The following GOLM1 variants were observed in gnomAD, a reference collection of about 807,000 sequenced individuals.
GOLM1 encodes the protein epididymis luminal protein 46.
GOLM1 carries 31 observed loss-of-function variants against 50.5 expected under a neutral mutation model. That is an observed-to-expected ratio of 0.61 (90% CI 0.46 to 0.83). GOLM1 has a LOEUF of 0.83. Among genes scored for constraint, GOLM1 ranks in the 40% least tolerant of loss-of-function variants. The pLI, the probability that GOLM1 is intolerant of heterozygous loss-of-function variation, is 0.00. For synonymous variants in GOLM1, 178 were observed against 192.8 expected, an observed-to-expected ratio of 0.92 and a Z score of 0.64; for missense variants, 491 against 501.3, an observed-to-expected ratio of 0.98 and a Z score of 0.20.
chr9:86,097,869 T>C (rs1166171298), intron 1 of GOLM1, among the ~76,000 whole-genome samples: 3 of 152,288 alleles, frequency 2.0e-5, no homozygotes, highest in East Asian at 3.9e-4. Context: ...CTGTTGTTTC[T>C]GCCCAGCCCT....
At chr9:86,066,278 G>A in intron 3 of GOLM1, among the ~76,000 whole-genome samples, 1 of 152,136 alleles carries the variant, frequency 6.6e-6, no homozygotes, top group East Asian at 1.9e-4. Context: ...ACACCTCAGA[G>A]CCTCCTCGTA....
intron 1 of GOLM1, among the ~76,000 whole-genome samples, chr9:86,090,701 G>A (rs187802015): frequency 6.9e-6 from 1 of 145,324 alleles, no homozygotes; most frequent in East Asian, 2.2e-4. Flanking sequence ...CAATGAGTTA[G>A]ACCACTTGGC....
chr9:86,059,758 G>A (rs932733010), intron 3 of GOLM1, among the ~76,000 whole-genome samples: 2 of 152,014 alleles, frequency 1.3e-5, no homozygotes, highest in Non-Finnish European at 2.9e-5. Context: ...AGCTGGGCAT[G>A]GTGGCACCTG....
chr9:86,058,434 C>CGCG (rs1229460314), intron 3 of GOLM1, among the ~76,000 whole-genome samples: 1 of 152,038 alleles, frequency 6.6e-6, no homozygotes, highest in Non-Finnish European at 1.5e-5. Context: ...AGGTGCCAGG[C>CGCG]GCGGTGGCTC....
At chr9:86,054,515 C>T (rs372513311) in intron 3 of GOLM1, among the ~76,000 whole-genome samples, 58 of 152,246 alleles carry the variant, frequency 3.8e-4, no homozygotes, top group East Asian at 1.4e-3. Flanking sequence ...TGAGCCACTG[C>T]GCCCGGCCTC....
intron 5 of GOLM1, among the ~76,000 whole-genome samples, chr9:86,042,239 TAA>T (rs1315108138): frequency 6.6e-6 from 1 of 152,206 alleles, no homozygotes; most frequent in Non-Finnish European, 1.5e-5. Context: ...ATGAAGTAAT[TAA>T]GAGAATTACC....
At chr9:86,054,373 T>A (rs547650200) in intron 3 of GOLM1, among the ~76,000 whole-genome samples, 4 of 151,900 alleles carry the variant, frequency 2.6e-5, no homozygotes, top group Admixed American at 6.6e-5. Flanking sequence ...GTTCAAGCAG[T>A]TCTCCTGCCT....
chr9:86,060,140 A>T (rs1280004155), intron 3 of GOLM1, among the ~76,000 whole-genome samples: 1 of 152,090 alleles, frequency 6.6e-6, no homozygotes, highest in African/African-American at 2.4e-5. Context: ...ATTATTGAGA[A>T]ATTTGGCATT....
At chr9:86,081,114 CT>C (rs983286874) in intron 1 of GOLM1, among the ~76,000 whole-genome samples, 2 of 151,842 alleles carry the variant, frequency 1.3e-5, no homozygotes, top group Admixed American at 1.3e-4. Flanking sequence ...CCTCAAATTC[CT>C]GACCTCAAGT....
At chr9:86,093,697 A>G (rs1467548230) in intron 1 of GOLM1, among the ~76,000 whole-genome samples, 3 of 152,230 alleles carry the variant, frequency 2.0e-5, no homozygotes, top group Non-Finnish European at 2.9e-5. Context: ...AATGTTTGTA[A>G]TTTAACAAAG....
At chr9:86,077,765 TG>T in intron 2 of GOLM1, 174 bp from the exon 3 acceptor site, 1 of 569,164 alleles carries the variant, frequency 1.8e-6, no homozygotes, top group South Asian at 2.4e-5. Context: ...CGGTTTCTTC[TG>T]GAAAAAATGG....
At chr9:86,039,307 T>C (rs1052538428) in intron 6 of GOLM1, among the ~76,000 whole-genome samples, 2 of 151,786 alleles carry the variant, frequency 1.3e-5, no homozygotes, top group Non-Finnish European at 2.9e-5. Context: ...GTATCAAGAG[T>C]TGGCAAGGAT....
rs375193474 is a variant in GOLM1, at chr9:86,035,671, TAAAAAA to T, written c.758-52_758-47del. 4.6e-4 allele frequency: 399 copies of T among 872,944 alleles called. No individual in the cohort carries two copies. In the African/African-American group the frequency reaches 6.6e-3, roughly 14 times the overall value. The allele number at this position is 872,944 out of a possible 1,614,324, so 54.1% of individuals were successfully genotyped here. ...GCTGTGACCTTGCCAGCATTTGATT[TAAAAAA>T]AAAAAAAAAAAAAAAAGCAAAACCT... is the stretch of plus-strand genomic sequence containing the variant. On this transcript the variant is annotated intron_variant, in intron 7 of 9. Transcript: ENST00000388712.
intron 6 of GOLM1, among the ~76,000 whole-genome samples, chr9:86,039,421 C>T (rs1018059447): frequency 2.0e-5 from 3 of 152,188 alleles, no homozygotes; most frequent in Admixed American, 6.5e-5. Flanking sequence ...TATAGATTAC[C>T]ATATAACCCA....
chr9:86,035,673 A>T (rs1409002204), intron 7 of GOLM1, 48 bp from the exon 8 acceptor site: 94 of 364,148 alleles, frequency 2.6e-4, no homozygotes, highest in South Asian at 7.8e-4. Flanking sequence ...ATTTGATTTA[A>T]AAAAAAAAAA....
chr9:86,091,311 T>C (rs1835177790), intron 1 of GOLM1, among the ~76,000 whole-genome samples: 1 of 152,226 alleles, frequency 6.6e-6, no homozygotes, highest in Admixed American at 6.5e-5. Flanking sequence ...ATTCTAAGTT[T>C]ATAAACAACT....
rs34420567 is a variant in GOLM1, at chr9:86,093,375, C to CAAAAA, written c.-22+6031_-22+6035dup. 1.6e-4 allele frequency among the ~76,000 whole-genome samples: 18 copies of CAAAAA among 109,310 alleles called. No individual in the cohort carries two copies. In the Admixed American group the frequency reaches 1.7e-3, roughly 10 times the overall value. 71.7% of individuals were successfully genotyped at this position (109,310 alleles called of 152,430 possible). ...TGAGTGACAGAGCGAGATTCTGCCT[C>CAAAAA]AAAAAAAAAAAAAAAAAAAGAAACA... On this transcript the variant is annotated intron_variant, in intron 1 of 9. Coordinates refer to ENST00000388712, the MANE Select transcript of GOLM1 (RefSeq NM_016548.4).
intron 1 of GOLM1, among the ~76,000 whole-genome samples, chr9:86,093,480 G>T (rs546565333): frequency 6.6e-6 from 1 of 151,058 alleles, no homozygotes; most frequent in East Asian, 2.0e-4. Context: ...TAAGGCATGA[G>T]AATTGCTTGA....
intron 1 of GOLM1, among the ~76,000 whole-genome samples, chr9:86,097,225 C>T (rs550887688): frequency 1.3e-5 from 2 of 152,246 alleles, no homozygotes; most frequent in South Asian, 4.1e-4. Flanking sequence ...CCACCATGAT[C>T]TTTAAGAACA....
Sources: allele counts gnomAD v4.1 joint callset (sites outside exome capture counted in the v4.1 genomes callset), GRCh38; gene constraint gnomAD v4.1.1; transcripts MANE v1.5; gene names NCBI Gene and HGNC (gene_info 2026-07-23, HGNC 2026-07-21).